The following DCBLD2 variants were observed in gnomAD, a reference collection of about 807,000 sequenced individuals.
The protein encoded by DCBLD2 is discoidin, CUB and LCCL domain-containing protein 2.
A neutral mutation model predicts 86.8 loss-of-function variants in DCBLD2; 54 were observed. That is an observed-to-expected ratio of 0.62 (90% CI 0.50 to 0.78). The LOEUF (loss-of-function observed/expected upper bound fraction) is 0.78. Among genes scored for constraint, DCBLD2 ranks in the 30% least tolerant of loss-of-function variants. DCBLD2 has a pLI of 0.00. For missense variants in DCBLD2, 908 were observed against 954.2 expected (o/e 0.95, Z 0.64); for synonymous variants, 354 against 341.3 (o/e 1.04, Z -0.41).
intron 3 of DCBLD2, among the ~76,000 whole-genome samples, chr3:98,840,360 T>C (rs771237198): frequency 3.3e-5 from 5 of 152,216 alleles, no homozygotes; most frequent in Non-Finnish European, 5.9e-5. Flanking sequence ...ATTTCTGGAC[T>C]GAGCAACTTA....
intron 2 of DCBLD2, among the ~76,000 whole-genome samples, chr3:98,866,278 T>A (rs1170423790): frequency 6.6e-6 from 1 of 152,210 alleles, no homozygotes; most frequent in Non-Finnish European, 1.5e-5. Flanking sequence ...CCCTGAGGAA[T>A]CGCCACACTG....
chr3:98,847,489 C>T (rs1942747943), intron 3 of DCBLD2, among the ~76,000 whole-genome samples: 1 of 152,216 alleles, frequency 6.6e-6, no homozygotes, highest in African/African-American at 2.4e-5. Flanking sequence ...TTAGCCTTCA[C>T]ATCTTGCCCT....
At chr3:98,830,740 G>T (rs1303600294) in intron 3 of DCBLD2, among the ~76,000 whole-genome samples, 1 of 152,096 alleles carries the variant, frequency 6.6e-6, no homozygotes, top group East Asian at 1.9e-4. Context: ...GTTTCCATAT[G>T]AATTCTAAAG....
chr3:98,893,599 C>G (rs1160797925), intron 1 of DCBLD2, among the ~76,000 whole-genome samples: 3 of 151,880 alleles, frequency 2.0e-5, no homozygotes, highest in Non-Finnish European at 4.4e-5. Context: ...ATATACAGCA[C>G]AAATGTAGAT....
intron 1 of DCBLD2, 79 bp from the exon 2 acceptor site, chr3:98,881,846 A>T (rs1451351247): frequency 2.9e-6 from 4 of 1,371,584 alleles, no homozygotes; most frequent in Non-Finnish European, 4.0e-6. Flanking sequence ...GTGAAGATTT[A>T]AAAATATGCA....
intron 2 of DCBLD2, among the ~76,000 whole-genome samples, chr3:98,850,006 A>C (rs1018016055): frequency 1.3e-5 from 2 of 152,168 alleles, no homozygotes; most frequent in African/African-American, 4.8e-5. Flanking sequence ...GCCTCAGGTC[A>C]TCCCTCAAGC....
chr3:98,799,690 G>A lies in DCBLD2; in HGVS notation c.2010C>T (p.Leu670=). 3.7e-6 allele frequency: 6 copies of A among 1,613,978 alleles called. No individual in the cohort carries two copies. The highest frequency in any genetic ancestry group is 5.1e-6 in the Non-Finnish European group (6 of 1,179,870). ...TTGCATACTCAGGCCCCGTAATTGG[G>A]AGTGGTTCAGCATAGGCATGATAAA... The part of the protein sequence containing the change: ...QEVYHAYAEP[L]PITGPEYATP... Residue 670 remains leucine (L), a synonymous_variant, in exon 16 of 16, where the codon CTC becomes CTT. Transcript: ENST00000326840.
At chr3:98,858,654 G>A (rs902243146) in intron 2 of DCBLD2, among the ~76,000 whole-genome samples, 3 of 152,198 alleles carry the variant, frequency 2.0e-5, no homozygotes, top group African/African-American at 7.2e-5. Flanking sequence ...TATCTGGTAA[G>A]GGGTTAATAC....
At position 98,901,155 on chromosome 3, in the gene DCBLD2, G is replaced by A; in HGVS notation, c.172C>T (p.Leu58Phe). ...GCTCCAGCGTCCTCGAGCAGCAGGA[G>A]CAGGACAAGTAAGAGCAGGAGGAAC... ...PLFLLLLLVL[L>F]LLLEDAGAQQ... is the part of the protein sequence containing the mutation. Residue 58 changes from leucine to phenylalanine, a missense_variant, in exon 1 of 16, where the codon CTC (leucine) becomes TTC (phenylalanine). By Grantham distance (22) the Leu-to-Phe change is conservative (BLOSUM62 0). Transcript: ENST00000326840. 6 of 1,539,020 alleles carry A rather than the reference G, an allele frequency of 3.9e-6. No individual in the cohort carries two copies. The highest frequency in any genetic ancestry group is 2.4e-5 in the East Asian group (1 of 40,906).
intron 3 of DCBLD2, among the ~76,000 whole-genome samples, chr3:98,833,489 T>C (rs1052908808): frequency 1.3e-5 from 2 of 152,212 alleles, no homozygotes; most frequent in South Asian, 2.1e-4. Flanking sequence ...GTGCAATCGT[T>C]AGGAGGACAT....
chr3:98,853,360 A>C (rs2107488790), intron 2 of DCBLD2, among the ~76,000 whole-genome samples: 1 of 152,352 alleles, frequency 6.6e-6, no homozygotes. Flanking sequence ...CAGTTTTCTA[A>C]GTGGTTGTCC....
chr3:98,800,562 G>A lies in DCBLD2; in HGVS notation c.1858+17C>T. The A allele has an allele frequency of 2.5e-6, 4 of 1,605,674 alleles. No individual in the cohort carries two copies. Among genetic ancestry groups the A allele is most frequent in the Non-Finnish European group, 3.4e-6 (4 of 1,175,106 alleles). On this transcript the variant is annotated intron_variant, in intron 15 of 15. Transcript: ENST00000326840. Reference sequence around the variant, plus strand: ...TTTCTCCCTCTGCCTGGTACCAGAAGGCTGCAACATAGTTACCTGCAGAGT... The same window carrying A: ...TTTCTCCCTCTGCCTGGTACCAGAAAGCTGCAACATAGTTACCTGCAGAGT...
At chr3:98,839,510 TAAAAAG>T (rs1278857303) in intron 3 of DCBLD2, among the ~76,000 whole-genome samples, 2 of 152,304 alleles carry the variant, frequency 1.3e-5, no homozygotes, top group East Asian at 3.9e-4. Context: ...TGTTATAAAA[TAAAAAG>T]AAACTATCAT....
At position 98,898,408 on chromosome 3, in the gene DCBLD2, T is replaced by C. The variant is rs116138772; in HGVS notation, c.205+2714A>G. Reference sequence around the variant, plus strand: ...TACCTCTCCATACTAGATGCATTTCTACCTTCAGTTGTCAAATAAAGAAAA... The same window carrying C: ...TACCTCTCCATACTAGATGCATTTCCACCTTCAGTTGTCAAATAAAGAAAA... On this transcript the variant is annotated intron_variant, in intron 1 of 15. Coordinates refer to ENST00000326840, the MANE Select transcript of DCBLD2 (RefSeq NM_080927.4). Among the ~76,000 whole-genome samples the C allele has an allele frequency of 4.7e-3, 703 of 151,078 alleles. 4 individuals are homozygous for C. The highest frequency in any genetic ancestry group is 0.016 in the African/African-American group (666 of 41,108).
At chr3:98,822,121 A>G (rs767461423) in intron 6 of DCBLD2, 107 bp downstream of exon 6, 6 of 1,313,960 alleles carry the variant, frequency 4.6e-6, no homozygotes, top group Non-Finnish European at 6.6e-6. Context: ...TCTTTCATGA[A>G]CACCATTAAC....
chr3:98,849,389 T>A (rs1349012944), intron 3 of DCBLD2, 72 bp downstream of exon 3: 2 of 1,594,858 alleles, frequency 1.3e-6, no homozygotes, highest in African/African-American at 2.7e-5. Flanking sequence ...AAACAGGTAC[T>A]TAAAAAAAGC....
chr3:98,876,338 A>G (rs1943367930), intron 2 of DCBLD2, among the ~76,000 whole-genome samples: 1 of 148,784 alleles, frequency 6.7e-6, no homozygotes, highest in African/African-American at 2.5e-5. Context: ...CCTGAGCAAT[A>G]TAGAAAGACC....
chr3:98,861,941 G>T (rs1205345856), intron 2 of DCBLD2, among the ~76,000 whole-genome samples: 6 of 152,064 alleles, frequency 3.9e-5, no homozygotes, highest in Non-Finnish European at 7.4e-5. Context: ...CCAGGAGATG[G>T]TTTTTTGAAA....
chr3:98,826,067 T>C (rs1488788138), intron 3 of DCBLD2, among the ~76,000 whole-genome samples: 2 of 152,144 alleles, frequency 1.3e-5, no homozygotes, highest in Non-Finnish European at 2.9e-5. Flanking sequence ...CTTCTAAAAT[T>C]TAACATTTTC....
Sources: allele counts gnomAD v4.1 joint callset (sites outside exome capture counted in the v4.1 genomes callset), GRCh38; gene constraint gnomAD v4.1.1; transcripts MANE v1.5; gene names NCBI Gene and HGNC (gene_info 2026-07-23, HGNC 2026-07-21).